SETD3: variants seen among roughly 807,000 people sequenced by gnomAD.
SETD3 encodes the protein SET domain containing 3, actin N3(tau)-histidine methyltransferase.
Under a neutral mutation model 63.0 loss-of-function variants are expected in SETD3, and 19 were observed. The observed-to-expected ratio is 0.30, with a 90% CI of 0.21 to 0.44. The LOEUF is 0.44. SETD3 is among the 20% of genes least tolerant of loss of function. The pLI is 1.00. For synonymous variants in SETD3, 286 were observed against 264.1 expected, an observed-to-expected ratio of 1.08 and a Z score of -0.80; for missense variants, 587 against 728.5, an observed-to-expected ratio of 0.81 and a Z score of 2.24.
chr14:99,463,339 C>T, intron 3 of SETD3, 147 bp downstream of exon 3: 1 of 582,740 alleles, frequency 1.7e-6, no homozygotes. Context: ...CCGCTAACTG[C>T]TCTCTCTCCC....
chr14:99,458,790 A>C (rs1377400657), intron 5 of SETD3, among the ~76,000 whole-genome samples: 1 of 151,198 alleles, frequency 6.6e-6, no homozygotes, highest in Non-Finnish European at 1.5e-5. Flanking sequence ...AAAAAAAAAA[A>C]AAAAAATTAG....
chr14:99,439,376 G>A (rs1302571542), intron 6 of SETD3, among the ~76,000 whole-genome samples: 3 of 152,174 alleles, frequency 2.0e-5, no homozygotes, highest in Non-Finnish European at 4.4e-5. Flanking sequence ...GCTTCACAGA[G>A]ATCAGACAAC....
intron 11 of SETD3, among the ~76,000 whole-genome samples, chr14:99,403,573 A>G (rs1891520083): frequency 6.6e-6 from 1 of 152,126 alleles, no homozygotes; most frequent in Admixed American, 6.5e-5. Flanking sequence ...CAACCACGAG[A>G]GGTCAAATCT....
At chr14:99,436,130 G>T (rs1272389962) in intron 6 of SETD3, among the ~76,000 whole-genome samples, 2 of 152,052 alleles carry the variant, frequency 1.3e-5, no homozygotes, top group East Asian at 3.9e-4. Context: ...CAACATGGGG[G>T]AAACCGCCTC....
chr14:99,437,008 T>C (rs975228712), intron 6 of SETD3, among the ~76,000 whole-genome samples: 7 of 152,168 alleles, frequency 4.6e-5, no homozygotes, highest in African/African-American at 1.7e-4. Context: ...GTCAGCACAG[T>C]ACCGTGGATA....
At chr14:99,430,107 G>A (rs569086074) in intron 6 of SETD3, among the ~76,000 whole-genome samples, 3 of 152,230 alleles carry the variant, frequency 2.0e-5, no homozygotes, top group South Asian at 2.1e-4. Flanking sequence ...AGTTTCCCAG[G>A]TGACTTATGC....
chr14:99,449,814 T>C (rs1894355481), intron 6 of SETD3, among the ~76,000 whole-genome samples: 1 of 152,260 alleles, frequency 6.6e-6, no homozygotes, highest in Non-Finnish European at 1.5e-5. Context: ...TAAGTGAAGC[T>C]AGGTGAAGTG....
intron 1 of SETD3, among the ~76,000 whole-genome samples, chr14:99,477,867 T>C (rs1317821029): frequency 6.6e-6 from 1 of 151,874 alleles, no homozygotes; most frequent in African/African-American, 2.4e-5. Flanking sequence ...ATTAATTCTA[T>C]TTGCATATCA....
At chr14:99,414,590 C>T (rs1464713336) in intron 6 of SETD3, among the ~76,000 whole-genome samples, 1 of 152,206 alleles carries the variant, frequency 6.6e-6, no homozygotes, top group African/African-American at 2.4e-5. Flanking sequence ...TTAAATTTTA[C>T]TTCTTTCCTG....
intron 6 of SETD3, among the ~76,000 whole-genome samples, chr14:99,418,350 ATAGTCAGGGACTATCTCTTTTAAT>A (rs1361472716): frequency 1.3e-5 from 2 of 152,100 alleles, no homozygotes; most frequent in African/African-American, 2.4e-5. Flanking sequence ...ATTAAAAGAG[ATAGTCAGGGACTATCTCTTTTAAT>A]TAGTCAGGGA....
At chr14:99,407,601 G>GGAGGC (rs1343835903) in intron 8 of SETD3, among the ~76,000 whole-genome samples, 2 of 152,108 alleles carry the variant, frequency 1.3e-5, no homozygotes, top group Non-Finnish European at 2.9e-5. Context: ...GGCCGAATAA[G>GGAGGC]GAGGCGGCTC....
upstream of SETD3, chr14:99,481,198 G>A (rs2139838866): frequency 5.1e-6 from 2 of 390,372 alleles, no homozygotes; most frequent in Non-Finnish European, 9.0e-6. Context: ...TTCGCCCCGA[G>A]GGGCGGGACC....
chr14:99,463,470 A>T lies in SETD3; in HGVS notation c.196+16T>A. On this transcript the variant is annotated intron_variant, in intron 3 of 12. Coordinates refer to ENST00000331768, the MANE Select transcript of SETD3 (RefSeq NM_032233.3). Reference sequence around the variant, plus strand: ...ATGACATTATTAAAATACAGTTATCATTCTAGCAATTTTACCTTTTTGCTT... The same window carrying T: ...ATGACATTATTAAAATACAGTTATCTTTCTAGCAATTTTACCTTTTTGCTT... The T allele has an allele frequency of 6.3e-7, 1 of 1,595,898 alleles. No homozygotes were observed. Among genetic ancestry groups the T allele is most frequent in the Non-Finnish European group, 8.6e-7 (1 of 1,165,296 alleles).
chr14:99,442,876 G>A (rs887465339), intron 6 of SETD3, among the ~76,000 whole-genome samples: 13 of 152,198 alleles, frequency 8.5e-5, no homozygotes, highest in African/African-American at 3.1e-4. Context: ...GGTACTGACT[G>A]CCAGGTAAGA....
At chr14:99,446,474 C>A (rs770360513) in intron 6 of SETD3, among the ~76,000 whole-genome samples, 8 of 152,174 alleles carry the variant, frequency 5.3e-5, no homozygotes, top group Non-Finnish European at 1.2e-4. Flanking sequence ...CATTGCCTAA[C>A]CTTCCTTGGT....
At chr14:99,423,155 G>A (rs1277935447) in intron 6 of SETD3, among the ~76,000 whole-genome samples, 6 of 152,276 alleles carry the variant, frequency 3.9e-5, no homozygotes, top group Admixed American at 3.9e-4. Context: ...AGGTGTAAAG[G>A]CCTTTCAGAG....
intron 6 of SETD3, among the ~76,000 whole-genome samples, chr14:99,430,857 G>A (rs1322233573): frequency 6.6e-6 from 1 of 152,168 alleles, no homozygotes. Context: ...TGGGTCCAGC[G>A]GACTGGTCAG....
intron 6 of SETD3, among the ~76,000 whole-genome samples, chr14:99,441,680 C>T (rs897424399): frequency 6.6e-6 from 1 of 152,184 alleles, no homozygotes; most frequent in African/African-American, 2.4e-5. Context: ...CTGGCAAGTC[C>T]TGGGCCCTGA....
chr14:99,439,614 T>C (rs984592845), intron 6 of SETD3, among the ~76,000 whole-genome samples: 7 of 147,974 alleles, frequency 4.7e-5, no homozygotes, highest in Admixed American at 4.1e-4. Context: ...ATGTATTAAA[T>C]ATATAAACAT....
Sources: allele counts gnomAD v4.1 joint callset (sites outside exome capture counted in the v4.1 genomes callset), GRCh38; gene constraint gnomAD v4.1.1; transcripts MANE v1.5; gene names NCBI Gene and HGNC (gene_info 2026-07-23, HGNC 2026-07-21).